Variants in PIH1D2 observed in about 807,000 individuals in gnomAD.
The protein encoded by PIH1D2 is PIH1 domain-containing protein 2.
PIH1D2 carries 25 observed loss-of-function variants against 31.2 expected under a neutral mutation model. That is an observed-to-expected ratio of 0.80 (90% CI 0.58 to 1.12). The LOEUF (loss-of-function observed/expected upper bound fraction) is 1.12, where lower values mean the gene tolerates loss of function less well. Ranked by LOEUF, PIH1D2 falls within the 50% of genes most tolerant of loss-of-function variation. The pLI is 0.00. For synonymous variants in PIH1D2, 116 were observed against 119.9 expected, an observed-to-expected ratio of 0.97 and a Z score of 0.21; for missense variants, 310 against 356.6, an observed-to-expected ratio of 0.87 and a Z score of 1.05.
chr11:112,068,720 G>T (rs1865011169), intron 5 of PIH1D2, among the ~76,000 whole-genome samples: 1 of 152,108 alleles, frequency 6.6e-6, no homozygotes, highest in Admixed American at 6.6e-5. Flanking sequence ...GGAGGCAGAG[G>T]TTGCAGTAAG....
the PIH1D2 span, among the ~76,000 whole-genome samples, chr11:112,057,660 C>A: frequency 2.0e-5 from 3 of 152,090 alleles, no homozygotes; most frequent in Non-Finnish European, 4.4e-5. Context: ...GTGAGGAAGC[C>A]GCGTAACAGA....
chr11:112,072,184 T>C (rs1865139805), intron 2 of PIH1D2, among the ~76,000 whole-genome samples: 1 of 152,112 alleles, frequency 6.6e-6, no homozygotes, highest in Non-Finnish European at 1.5e-5. Flanking sequence ...AAGTAAGTCA[T>C]TTCATGTATT....
downstream of PIH1D2, among the ~76,000 whole-genome samples, chr11:112,059,713 C>G (rs1427710033): frequency 6.6e-6 from 1 of 152,108 alleles, no homozygotes; most frequent in Non-Finnish European, 1.5e-5. Flanking sequence ...TTTTTAATAA[C>G]TACAAGTCAA....
chr11:112,052,635 G>A, the PIH1D2 span, among the ~76,000 whole-genome samples: 1 of 152,194 alleles, frequency 6.6e-6, no homozygotes, highest in Admixed American at 6.5e-5. Context: ...CACTTCCACA[G>A]TTCAGCAACT....
chr11:112,071,844 G>A, intron 2 of PIH1D2, 86 bp from the exon 3 acceptor site: 1 of 1,472,654 alleles, frequency 6.8e-7, no homozygotes, highest in Non-Finnish European at 9.4e-7. Flanking sequence ...TGTAATCCGA[G>A]CACTTTGGGG....
chr11:112,070,398 G>T, intron 5 of PIH1D2, 38 bp downstream of exon 5: 1 of 1,593,626 alleles, frequency 6.3e-7, no homozygotes, highest in East Asian at 2.2e-5. Context: ...AGTGAATGCT[G>T]GCCAATACAA....
downstream of PIH1D2, chr11:112,061,020 T>C: frequency 6.5e-7 from 1 of 1,547,632 alleles, no homozygotes; most frequent in Non-Finnish European, 8.7e-7. Flanking sequence ...AATTTATTTT[T>C]AATTTTTTTT....
intron 5 of PIH1D2, among the ~76,000 whole-genome samples, chr11:112,069,159 C>T (rs1865035368): frequency 6.6e-6 from 1 of 151,374 alleles, no homozygotes; most frequent in East Asian, 2.0e-4. Flanking sequence ...CCACCACGCC[C>T]GGCTGATGTT....
At chr11:112,061,395 A>T (rs952707302), downstream of PIH1D2, 12 of 531,710 alleles carry the variant, frequency 2.3e-5, no homozygotes, top group Non-Finnish European at 4.0e-5. Context: ...CCTAAACAGC[A>T]CTTCATTCAC....
chr11:112,067,149 C>G (rs1374881648), downstream of PIH1D2, among the ~76,000 whole-genome samples: 1 of 152,066 alleles, frequency 6.6e-6, no homozygotes, highest in African/African-American at 2.4e-5. Context: ...TATGGCCCAT[C>G]CTGATAATAA....
downstream of PIH1D2, chr11:112,064,108 A>G (rs1864803578): frequency 1.5e-6 from 2 of 1,375,154 alleles, no homozygotes; most frequent in Non-Finnish European, 2.0e-6. Context: ...AGATTATCCA[A>G]AAGAAACAAG....
chr11:112,073,438 C>G (rs1308589236), intron 1 of PIH1D2, among the ~76,000 whole-genome samples: 1 of 151,890 alleles, frequency 6.6e-6, no homozygotes, highest in Admixed American at 6.6e-5. Flanking sequence ...CTATTTGGAC[C>G]CTGACAAGTC....
At chr11:112,069,267 A>G (rs113831379) in intron 5 of PIH1D2, among the ~76,000 whole-genome samples, 12,582 of 151,664 alleles carry the variant, frequency 0.083, 1,555 homozygotes, top group African/African-American at 0.27. Flanking sequence ...GCCTCCCAAA[A>G]TCCTAGGATT....
downstream of PIH1D2, among the ~76,000 whole-genome samples, chr11:112,058,635 G>GA (rs1555182847): frequency 2.0e-4 from 24 of 122,240 alleles, no homozygotes; most frequent in Admixed American, 1.1e-3. Context: ...TGGGGGGGGG[G>GA]AATCACCTTT....
downstream of PIH1D2, chr11:112,062,725 C>T: frequency 3.2e-6 from 2 of 632,892 alleles, no homozygotes; most frequent in South Asian, 1.9e-5. Context: ...ATATTGTGCA[C>T]ATTTAATAAT....
the PIH1D2 span, among the ~76,000 whole-genome samples, chr11:112,058,150 C>A: frequency 6.6e-6 from 1 of 152,094 alleles, no homozygotes; most frequent in Non-Finnish European, 1.5e-5. Flanking sequence ...GTTCATACAC[C>A]CATTCAACAT....
In PIH1D2 at chr11:112,068,139, ACT is replaced by A. The variant is rs151070317; in HGVS notation, c.814-136_814-135del. 4,687 of 613,230 alleles carry A rather than the reference ACT, an allele frequency of 7.6e-3. 23 individuals are homozygous for A. The highest frequency in any genetic ancestry group is 0.025 in the Middle Eastern group (55 of 2,202). The allele number at this position is 613,230 out of a possible 1,614,324, so 38.0% of individuals were successfully genotyped here. On this transcript the variant is annotated intron_variant, in intron 5 of 5. Transcript: ENST00000280350. ...TGTGACTTGGAATGAGCAAAAAATT[ACT>A]GTTGTAAATCCCTTAGATTTTAAGG...
At chr11:112,060,158 ATTTTTTTTTTT>A (rs782188808), downstream of PIH1D2, 1 of 496,038 alleles carries the variant, frequency 2.0e-6, no homozygotes, top group Non-Finnish European at 3.1e-6. Flanking sequence ...CTGTCACGTA[ATTTTTTTTTTT>A]TTTTTTTTTT....
At chr11:112,071,524 A>G in intron 3 of PIH1D2, 111 bp downstream of exon 3, 1 of 1,372,672 alleles carries the variant, frequency 7.3e-7, no homozygotes, top group Non-Finnish European at 1.0e-6. Flanking sequence ...CACTAATTGT[A>G]ATTATATTAT....
Sources: allele counts gnomAD v4.1 joint callset (sites outside exome capture counted in the v4.1 genomes callset), GRCh38; gene constraint gnomAD v4.1.1; transcripts MANE v1.5; gene names NCBI Gene and HGNC (gene_info 2026-07-23, HGNC 2026-07-21).